Variants in MAF observed in about 807,000 individuals in gnomAD.
MAF encodes MAF bZIP transcription factor.
Under a neutral mutation model 22.0 loss-of-function variants are expected in MAF, and 10 were observed. The observed-to-expected ratio is 0.45, with a 90% CI of 0.28 to 0.77. MAF has a LOEUF of 0.77. MAF is among the 30% of genes least tolerant of loss of function. The pLI is 0.12. For missense variants in MAF, 544 were observed against 548.4 expected (o/e 0.99, Z 0.08); for synonymous variants, 337 against 255.8 (o/e 1.32, Z -3.03).
the MAF span, among the ~76,000 whole-genome samples, chr16:79,405,201 G>A: frequency 1.3e-5 from 2 of 152,180 alleles, no homozygotes; most frequent in Admixed American, 6.5e-5. Context: ...AGAAGGGAAT[G>A]TCCAAAGGAT....
At chr16:79,477,198 T>C in the MAF span, among the ~76,000 whole-genome samples, 1 of 152,186 alleles carries the variant, frequency 6.6e-6, no homozygotes, top group Non-Finnish European at 1.5e-5. Context: ...ACTCCTCTTC[T>C]TGGGGAAAAG....
the MAF span, among the ~76,000 whole-genome samples, chr16:79,328,353 A>T: frequency 3.6e-4 from 55 of 152,238 alleles, no homozygotes; most frequent in South Asian, 0.011. Context: ...AACTTGAGGC[A>T]TTTAGGGCAA....
At chr16:79,475,926 T>G in the MAF span, among the ~76,000 whole-genome samples, 1 of 152,158 alleles carries the variant, frequency 6.6e-6, no homozygotes, top group Non-Finnish European at 1.5e-5. Flanking sequence ...TGATGGGATA[T>G]TATTCCTGTG....
At chr16:79,528,225 G>C in the MAF span, among the ~76,000 whole-genome samples, 8 of 152,258 alleles carry the variant, frequency 5.3e-5, no homozygotes, top group East Asian at 1.5e-3. Context: ...GCCCTCTTTA[G>C]TTTCTTGGCC....
the MAF span, among the ~76,000 whole-genome samples, chr16:79,328,224 G>A: frequency 2.0e-5 from 3 of 152,058 alleles, no homozygotes; most frequent in African/African-American, 4.8e-5. Context: ...AGAGGGCATT[G>A]CCTGGCCAAT....
chr16:79,226,328 T>C, the MAF span, among the ~76,000 whole-genome samples: 2 of 152,116 alleles, frequency 1.3e-5, no homozygotes, highest in Non-Finnish European at 2.9e-5. Flanking sequence ...GAGTTGAACA[T>C]TGAGAACACA....
chr16:79,309,020 G>A, the MAF span, among the ~76,000 whole-genome samples: 1 of 152,322 alleles, frequency 6.6e-6, no homozygotes, highest in East Asian at 1.9e-4. Flanking sequence ...ATATTTAAAT[G>A]CAACCTGGGT....
the MAF span, among the ~76,000 whole-genome samples, chr16:79,324,981 C>A: frequency 1.3e-5 from 2 of 152,078 alleles, no homozygotes; most frequent in Non-Finnish European, 2.9e-5. Context: ...GACACGTGCT[C>A]CAATCTCTGC....
the MAF span, among the ~76,000 whole-genome samples, chr16:79,537,507 C>T: frequency 2.0e-5 from 3 of 152,336 alleles, no homozygotes; most frequent in East Asian, 5.8e-4. Flanking sequence ...GTTCGTGCGG[C>T]TGAGTCTTCA....
chr16:79,445,035 A>T, the MAF span, among the ~76,000 whole-genome samples: 2 of 151,916 alleles, frequency 1.3e-5, no homozygotes, highest in African/African-American at 4.8e-5. Flanking sequence ...TTATTTATTT[A>T]TTTATTTATT....
At chr16:79,376,528 T>C in the MAF span, among the ~76,000 whole-genome samples, 1 of 152,168 alleles carries the variant, frequency 6.6e-6, no homozygotes, top group Non-Finnish European at 1.5e-5. Flanking sequence ...TTTATTTTTT[T>C]TCTTTTTTTA....
the MAF span, among the ~76,000 whole-genome samples, chr16:79,322,024 A>T: frequency 6.6e-6 from 1 of 152,112 alleles, no homozygotes. Context: ...CTGAGGTCAG[A>T]GGTTTGCGAC....
At chr16:79,438,707 C>A in the MAF span, among the ~76,000 whole-genome samples, 15 of 152,176 alleles carry the variant, frequency 9.9e-5, no homozygotes, top group Non-Finnish European at 2.1e-4. Context: ...TGGCACGGTC[C>A]TCCGTCCTTC....
At chr16:79,494,522 G>C in the MAF span, among the ~76,000 whole-genome samples, 1 of 152,052 alleles carries the variant, frequency 6.6e-6, no homozygotes, top group African/African-American at 2.4e-5. Context: ...CATGTGATCC[G>C]ATTGTATTCC....
chr16:79,208,620 G>C, the MAF span, among the ~76,000 whole-genome samples: 1 of 124,864 alleles, frequency 8.0e-6, no homozygotes, highest in Non-Finnish European at 1.7e-5. Context: ...GGTGATTAAA[G>C]TGCTCTTTAA....
the MAF span, among the ~76,000 whole-genome samples, chr16:79,386,407 G>C: frequency 6.6e-6 from 1 of 152,048 alleles, no homozygotes; most frequent in Non-Finnish European, 1.5e-5. Context: ...TTCGCAATAG[G>C]GTTCATGCTC....
chr16:79,548,693 G>A, the MAF span, among the ~76,000 whole-genome samples: 1 of 152,226 alleles, frequency 6.6e-6, no homozygotes, highest in East Asian at 1.9e-4. Flanking sequence ...CTTCCCTGCA[G>A]ACTTCCCCAG....
downstream of MAF, among the ~76,000 whole-genome samples, chr16:79,589,856 C>A (rs1242741385): frequency 6.6e-6 from 1 of 152,204 alleles, no homozygotes; most frequent in Non-Finnish European, 1.5e-5. Context: ...GTCATTAGCG[C>A]CCCCGGGCGC....
At chr16:79,343,950 C>T in the MAF span, among the ~76,000 whole-genome samples, 1 of 152,190 alleles carries the variant, frequency 6.6e-6, no homozygotes, top group African/African-American at 2.4e-5. Context: ...TGCATTTATG[C>T]ATCCTCTGAA....
Sources: gnomAD v4.1 joint callset for allele counts (sites outside exome capture counted in the v4.1 genomes callset) on GRCh38, gnomAD v4.1.1 for gene constraint, MANE v1.5 for transcripts, NCBI Gene and HGNC (gene_info 2026-07-23, HGNC 2026-07-21) for gene names.